Variants in DNAH6 observed in about 807,000 individuals in gnomAD.
DNAH6 encodes dynein axonemal heavy chain 6.
Under a neutral mutation model 491.4 loss-of-function variants are expected in DNAH6, and 340 were observed. The observed-to-expected ratio is 0.69, with a 90% confidence interval of 0.63 to 0.76. The LOEUF (loss-of-function observed/expected upper bound fraction) is 0.76. Ranked by LOEUF, DNAH6 falls within the 30% of genes least tolerant of loss-of-function variation. The pLI is 0.00. For missense variants in DNAH6, 4,443 were observed against 4,972.2 expected (o/e 0.89, Z 3.20); for synonymous variants, 1,603 against 1,686.1 (o/e 0.95, Z 1.21).
At chr2:84,506,954 G>A in the DNAH6 span, among the ~76,000 whole-genome samples, 5 of 152,172 alleles carry the variant, frequency 3.3e-5, no homozygotes, top group African/African-American at 7.2e-5. Context: ...GTACCATGCT[G>A]TTTTGGTTAC....
chr2:84,495,035 CTT>C, the DNAH6 span, among the ~76,000 whole-genome samples: 4 of 152,272 alleles, frequency 2.6e-5, no homozygotes, highest in Admixed American at 2.6e-4. Flanking sequence ...GTAGGGGACA[CTT>C]TAGAAAAACT....
intron 18 of DNAH6, among the ~76,000 whole-genome samples, chr2:84,600,720 A>G (rs2104244017): frequency 6.6e-6 from 1 of 152,118 alleles, no homozygotes; most frequent in East Asian, 1.9e-4. Context: ...TATCAACATG[A>G]CTTTTCACTG....
intron 62 of DNAH6, among the ~76,000 whole-genome samples, chr2:84,744,659 T>C (rs1672799652): frequency 6.6e-6 from 1 of 152,196 alleles, no homozygotes. Flanking sequence ...ATTTTCTGGC[T>C]CACCTGGGTT....
intron 41 of DNAH6, among the ~76,000 whole-genome samples, chr2:84,679,837 A>G (rs1361281852): frequency 6.6e-6 from 1 of 152,240 alleles, no homozygotes; most frequent in Non-Finnish European, 1.5e-5. Flanking sequence ...CCATGGACAC[A>G]GATAATGAAG....
the DNAH6 span, among the ~76,000 whole-genome samples, chr2:84,464,233 T>G: frequency 6.6e-6 from 1 of 152,234 alleles, no homozygotes; most frequent in African/African-American, 2.4e-5. Flanking sequence ...CTCTGGGCTC[T>G]TCTCAGGCAT....
intron 11 of DNAH6, among the ~76,000 whole-genome samples, chr2:84,569,961 T>C (rs896785801): frequency 5.9e-5 from 9 of 152,046 alleles, no homozygotes; most frequent in African/African-American, 2.2e-4. Context: ...GTGGGGTGTA[T>C]GTGCGTTTCC....
chr2:84,638,952 A>G (rs1451103288), intron 31 of DNAH6, among the ~76,000 whole-genome samples: 2 of 152,144 alleles, frequency 1.3e-5, no homozygotes, highest in African/African-American at 2.4e-5. Flanking sequence ...CTCAGAACTC[A>G]GTTACTATTG....
At chr2:84,633,912 A>C (rs1234596626) in intron 29 of DNAH6, among the ~76,000 whole-genome samples, 1 of 152,194 alleles carries the variant, frequency 6.6e-6, no homozygotes, top group East Asian at 1.9e-4. Context: ...ATTACTAAAG[A>C]GATAGATATA....
At chr2:84,778,171 G>A in intron 64 of DNAH6, 1 of 732,174 alleles carries the variant, frequency 1.4e-6, no homozygotes, top group South Asian at 1.4e-5. Context: ...TCCTGGGGAG[G>A]TCTCTTCTTC....
intron 62 of DNAH6, among the ~76,000 whole-genome samples, chr2:84,737,106 TC>T (rs2105004597): frequency 6.6e-6 from 1 of 152,264 alleles, no homozygotes; most frequent in East Asian, 1.9e-4. Flanking sequence ...TTGATTTTAG[TC>T]CTGTTTATGA....
intron 11 of DNAH6, among the ~76,000 whole-genome samples, chr2:84,571,036 G>A (rs1380719616): frequency 1.3e-5 from 2 of 152,042 alleles, no homozygotes; most frequent in African/African-American, 2.4e-5. Flanking sequence ...AGAATCCACC[G>A]GAAGGAACCA....
chr2:84,730,709 C>A (rs1302401715), intron 61 of DNAH6, among the ~76,000 whole-genome samples: 3 of 152,042 alleles, frequency 2.0e-5, no homozygotes. Flanking sequence ...GCTAGGAATC[C>A]AAAAAATGAT....
intron 10 of DNAH6, among the ~76,000 whole-genome samples, chr2:84,555,290 G>C (rs764123731): frequency 6.6e-6 from 1 of 152,026 alleles, no homozygotes; most frequent in Non-Finnish European, 1.5e-5. Context: ...AATATTTCTT[G>C]GTGTGTGAGA....
intron 33 of DNAH6, among the ~76,000 whole-genome samples, chr2:84,652,282 T>A (rs1690524950): frequency 6.7e-6 from 1 of 148,722 alleles, no homozygotes; most frequent in Admixed American, 6.6e-5. Context: ...TATTTCCCCA[T>A]AAGTGTTTTA....
At position 84,548,353 on chromosome 2, in the gene DNAH6, G is replaced by A. The variant is rs934964765; in HGVS notation, c.1252G>A (p.Asp418Asn). The A allele has an allele frequency of 6.2e-7, 1 of 1,613,928 alleles. No homozygotes were observed. The highest frequency in any genetic ancestry group is 8.5e-7 in the Non-Finnish European group (1 of 1,179,886). Residue 418 changes from aspartate (D) to asparagine (N), a missense_variant, in exon 8 of 77, where the codon GAC (aspartate) becomes AAC (asparagine). Physicochemically the swap from Asp to Asn is conservative, Grantham distance 23. Around this residue, in one of 3 missense-constraint regions of DNAH6, gnomAD observed 2,977 missense variants for 3,296.6 expected, o/e 0.90. Coordinates refer to ENST00000389394, the MANE Select transcript of DNAH6 (RefSeq NM_001370.2). ...NTPHELPTYG[D>N]SEKMTYTEQA... Reference sequence around the variant, plus strand: ...ACCACATGAGTTGCCCACTTATGGAGACTCTGAGAAAATGACATATACAGA... The same window carrying A: ...ACCACATGAGTTGCCCACTTATGGAAACTCTGAGAAAATGACATATACAGA...
intron 8 of DNAH6, among the ~76,000 whole-genome samples, chr2:84,548,864 C>T (rs898048413): frequency 3.4e-4 from 52 of 152,306 alleles, no homozygotes; most frequent in African/African-American, 1.1e-3. Context: ...CATGGAGACT[C>T]GCAGTACAGC....
At chr2:84,492,980 C>A in the DNAH6 span, among the ~76,000 whole-genome samples, 1 of 151,978 alleles carries the variant, frequency 6.6e-6, no homozygotes, top group East Asian at 1.9e-4. Flanking sequence ...ACATGGTGAC[C>A]GCTTTCTATA....
intron 4 of DNAH6, among the ~76,000 whole-genome samples, chr2:84,536,074 G>A (rs148179746): frequency 6.6e-6 from 1 of 152,018 alleles, no homozygotes; most frequent in East Asian, 1.9e-4. Flanking sequence ...TAAAAATATT[G>A]TCAAAATGAT....
intron 71 of DNAH6, among the ~76,000 whole-genome samples, chr2:84,807,656 A>C (rs1679549390): frequency 6.6e-6 from 1 of 152,072 alleles, no homozygotes; most frequent in African/African-American, 2.4e-5. Flanking sequence ...TAGTCTCTGG[A>C]ATGTTCCTTG....
Sources: gnomAD v4.1 joint callset for allele counts (sites outside exome capture counted in the v4.1 genomes callset) on GRCh38, gnomAD v4.1.1 for gene constraint, gnomAD v4.1.1 regional missense constraint, MANE v1.5 for transcripts, NCBI Gene and HGNC (gene_info 2026-07-23, HGNC 2026-07-21) for gene names.